NKAIN3: variants seen among roughly 807,000 people sequenced by gnomAD.
NKAIN3 encodes sodium/potassium-transporting ATPase subunit beta-1-interacting protein 3.
Under a neutral mutation model 30.2 loss-of-function variants are expected in NKAIN3, and 25 were observed. That is an observed-to-expected ratio of 0.83 (90% CI 0.60 to 1.16). The LOEUF is 1.16. Ranked by LOEUF, NKAIN3 falls within the 50% of genes most tolerant of loss-of-function variation. The pLI, the probability that NKAIN3 is intolerant of heterozygous loss-of-function variation, is 0.00. For synonymous variants in NKAIN3, 91 were observed against 89.6 expected (o/e 1.02, Z -0.09); for missense variants, 225 against 254.1 (o/e 0.89, Z 0.78).
At chr8:62,815,229 T>C (rs914419589) in intron 4 of NKAIN3, among the ~76,000 whole-genome samples, 3 of 152,076 alleles carry the variant, frequency 2.0e-5, no homozygotes, top group Admixed American at 1.3e-4. Context: ...CAATAATCAA[T>C]AGCTTACCAA....
chr8:62,388,447 G>A (rs1817491478), intron 1 of NKAIN3, among the ~76,000 whole-genome samples: 1 of 152,192 alleles, frequency 6.6e-6, no homozygotes, highest in Non-Finnish European at 1.5e-5. Flanking sequence ...TGAAATTCTT[G>A]TTCATTGCCT....
At chr8:62,710,738 G>A (rs1464182778) in intron 3 of NKAIN3, among the ~76,000 whole-genome samples, 2 of 151,972 alleles carry the variant, frequency 1.3e-5, no homozygotes, top group African/African-American at 4.8e-5. Flanking sequence ...TAAAGTATGA[G>A]GTATTGTTGT....
intron 3 of NKAIN3, among the ~76,000 whole-genome samples, chr8:62,601,759 T>A (rs541549282): frequency 1.3e-5 from 2 of 152,100 alleles, no homozygotes; most frequent in Non-Finnish European, 1.5e-5. Context: ...GTTTGGTTCC[T>A]GCACAATCTT....
At chr8:62,253,879 T>C (rs1165523905) in intron 1 of NKAIN3, among the ~76,000 whole-genome samples, 1 of 152,238 alleles carries the variant, frequency 6.6e-6, no homozygotes, top group Non-Finnish European at 1.5e-5. Flanking sequence ...GTATTTATAC[T>C]GATACTTTGG....
chr8:62,596,070 T>C (rs552141139), intron 3 of NKAIN3, among the ~76,000 whole-genome samples: 65 of 152,148 alleles, frequency 4.3e-4, no homozygotes, highest in African/African-American at 1.4e-3. Flanking sequence ...ATCCAGTAAA[T>C]AATAATTTGG....
intron 4 of NKAIN3, among the ~76,000 whole-genome samples, chr8:62,759,908 AACAAATTT>A (rs1816589242): frequency 6.6e-6 from 1 of 152,196 alleles, no homozygotes; most frequent in South Asian, 2.1e-4. Flanking sequence ...ATAGAACTCA[AACAAATTT>A]ACAAATTTAC....
chr8:62,940,442 C>A (rs1822920705), intron 5 of NKAIN3, among the ~76,000 whole-genome samples: 1 of 152,072 alleles, frequency 6.6e-6, no homozygotes, highest in Admixed American at 6.6e-5. Flanking sequence ...ACTAAACATT[C>A]TAAGTAACAA....
chr8:62,251,750 G>GCAAC (rs2129386159), intron 1 of NKAIN3, among the ~76,000 whole-genome samples: 1 of 152,222 alleles, frequency 6.6e-6, no homozygotes, highest in East Asian at 1.9e-4. Flanking sequence ...AAAACAGTAA[G>GCAAC]CAACCGCTGA....
intron 3 of NKAIN3, among the ~76,000 whole-genome samples, chr8:62,652,528 C>A (rs1273978174): frequency 2.6e-5 from 4 of 152,068 alleles, no homozygotes; most frequent in African/African-American, 9.7e-5. Context: ...CTTTATTAGA[C>A]ATAAAGTCCA....
intron 3 of NKAIN3, among the ~76,000 whole-genome samples, chr8:62,705,828 T>G (rs1814501852): frequency 6.6e-6 from 1 of 152,194 alleles, no homozygotes; most frequent in Non-Finnish European, 1.5e-5. Context: ...TAGCTTTGTT[T>G]TGATTTTTCT....
intron 4 of NKAIN3, among the ~76,000 whole-genome samples, chr8:62,794,368 A>G (rs1468073634): frequency 6.6e-6 from 1 of 152,154 alleles, no homozygotes; most frequent in Admixed American, 6.6e-5. Context: ...TGAAAAATCC[A>G]TTCAACAGTC....
At chr8:62,777,297 CT>C (rs1455692155) in intron 4 of NKAIN3, among the ~76,000 whole-genome samples, 2 of 152,158 alleles carry the variant, frequency 1.3e-5, no homozygotes, top group African/African-American at 2.4e-5. Flanking sequence ...CCCTATCTCT[CT>C]GTCTACCTCC....
intron 4 of NKAIN3, among the ~76,000 whole-genome samples, chr8:62,811,159 C>T (rs1818474815): frequency 6.6e-6 from 1 of 151,996 alleles, no homozygotes; most frequent in South Asian, 2.1e-4. Flanking sequence ...AGTATGTAAA[C>T]ATTTATGATT....
At chr8:62,418,345 T>TA (rs1015381552) in intron 1 of NKAIN3, among the ~76,000 whole-genome samples, 4 of 152,052 alleles carry the variant, frequency 2.6e-5, no homozygotes, top group East Asian at 1.9e-4. Context: ...CTAGCTCTCA[T>TA]AAAAAAGATA....
intron 4 of NKAIN3, among the ~76,000 whole-genome samples, chr8:62,764,033 G>C (rs1399876488): frequency 6.6e-6 from 1 of 152,176 alleles, no homozygotes; most frequent in African/African-American, 2.4e-5. Context: ...TTAGGGAGGG[G>C]TTTACCTTAG....
At chr8:62,662,664 C>A (rs1365713842) in intron 3 of NKAIN3, among the ~76,000 whole-genome samples, 1 of 152,172 alleles carries the variant, frequency 6.6e-6, no homozygotes, top group Admixed American at 6.5e-5. Context: ...ATAGCACATA[C>A]AATCTAGTGA....
In NKAIN3 at chr8:62,339,974, A is replaced by G. The variant is rs946386223; in HGVS notation, c.54+90847A>G. Among the ~76,000 whole-genome samples the G allele has an allele frequency of 5.3e-5, 8 of 152,078 alleles. No individual in the cohort carries two copies. The East Asian group carries it at 1.2e-3, about 22-fold the overall frequency. ...CATGCAAGGACAAGTAGGGATTTAT[A>G]TCATTAGGACAAATAGGTTTAATAC... is the stretch of plus-strand genomic sequence containing the variant. On this transcript the variant is annotated intron_variant, in intron 1 of 6. Transcript: ENST00000623646.
intron 1 of NKAIN3, among the ~76,000 whole-genome samples, chr8:62,413,232 T>C (rs1042965675): frequency 1.3e-4 from 20 of 152,208 alleles, no homozygotes; most frequent in African/African-American, 4.8e-4. Context: ...GAAAGCAGTT[T>C]GGAGATTTTT....
intron 4 of NKAIN3, among the ~76,000 whole-genome samples, chr8:62,828,093 AT>A: frequency 6.6e-6 from 1 of 151,636 alleles, no homozygotes; most frequent in Non-Finnish European, 1.5e-5. Context: ...AAAAAAAAAA[AT>A]TTAAAAAAAC....
Sources: gnomAD v4.1 joint callset for allele counts (sites outside exome capture counted in the v4.1 genomes callset) on GRCh38, gnomAD v4.1.1 for gene constraint, MANE v1.5 for transcripts, NCBI Gene and HGNC (gene_info 2026-07-23, HGNC 2026-07-21) for gene names.